Variants in SEZ6L observed in about 807,000 individuals in gnomAD.
The protein encoded by SEZ6L is seizure 6-like protein.
Under a neutral mutation model 106.2 loss-of-function variants are expected in SEZ6L, and 37 were observed. The observed-to-expected ratio is 0.35, with a 90% confidence interval of 0.27 to 0.46. The LOEUF (loss-of-function observed/expected upper bound fraction) is 0.46. Among genes scored for constraint, SEZ6L ranks in the 20% least tolerant of loss-of-function variants. SEZ6L has a pLI of 1.00. For synonymous variants in SEZ6L, 541 were observed against 570.4 expected, an observed-to-expected ratio of 0.95 and a Z score of 0.73; for missense variants, 1,172 against 1,332.8, an observed-to-expected ratio of 0.88 and a Z score of 1.88.
At position 26,271,215 on chromosome 22, in the gene SEZ6L, C is replaced by A. The variant is rs576696819; in HGVS notation, c.95-21191C>A. ...TAATTATTCGTAGTATGTATATAAA[C>A]AACATTAGGTTTCTGTTGCTCTGCT... is the stretch of plus-strand genomic sequence containing the variant. On this transcript the variant is annotated intron_variant, in intron 1 of 16. Transcript: ENST00000248933. Among the ~76,000 whole-genome samples the A allele has an allele frequency of 5.3e-5, 8 of 152,298 alleles. No homozygotes were observed. The East Asian group carries it at 1.5e-3, about 29-fold the overall frequency.
chr22:26,380,201 AT>A, intron 16 of SEZ6L, 64 bp from the exon 17 acceptor site: 1 of 1,497,472 alleles, frequency 6.7e-7, no homozygotes, highest in Non-Finnish European at 9.3e-7. Flanking sequence ...AAAGAACTGC[AT>A]CCCCCTATGT....
intron 1 of SEZ6L, among the ~76,000 whole-genome samples, chr22:26,220,024 G>A (rs572198574): frequency 4.6e-5 from 7 of 152,296 alleles, no homozygotes; most frequent in African/African-American, 1.4e-4. Flanking sequence ...GGCTTCTGGG[G>A]TGGGGATGCC....
chr22:26,351,370 T>C, intron 12 of SEZ6L, 127 bp downstream of exon 12: 1 of 748,948 alleles, frequency 1.3e-6, no homozygotes, highest in South Asian at 1.8e-5. Context: ...TTATCATTAC[T>C]ATGACAAAAC....
chr22:26,220,689 G>C (rs1350172214), intron 1 of SEZ6L, among the ~76,000 whole-genome samples: 1 of 152,166 alleles, frequency 6.6e-6, no homozygotes, highest in East Asian at 1.9e-4. Context: ...CTGTCATATG[G>C]TCCTGCAATC....
chr22:26,189,013 T>C (rs749101336), intron 1 of SEZ6L, among the ~76,000 whole-genome samples: 1 of 152,240 alleles, frequency 6.6e-6, no homozygotes, highest in African/African-American at 2.4e-5. Flanking sequence ...TTTTTTCCGT[T>C]ACCTTACTTT....
Position 26,169,712 on chromosome 22 carries a change from T to A in SEZ6L, c.43T>A (p.Ser15Thr). The change falls in exon 1 of 17, where the codon TCG becomes ACG. Residue 15 changes from serine to threonine, a missense_variant. Ser to Thr is a moderately conservative substitution (Grantham distance 58, BLOSUM62 1). Transcript: ENST00000248933. ...RPPAAGLRGI[S>T]LFLALLLGSP... is the part of the protein sequence containing the mutation. The stretch of plus-strand genomic sequence containing the variant: ...GCCCGCCGCGGGACTCCGCGGGATC[T>A]CGCTGTTCCTCGCTCTGCTCCTGGG... 1 of 1,301,588 alleles carries A rather than the reference T, an allele frequency of 7.7e-7. No individual in the cohort carries two copies. 80.6% of individuals were successfully genotyped at this position (1,301,588 alleles called of 1,614,324 possible). A position where few individuals can be genotyped will look rare whatever the true frequency, so the allele number is the denominator to read the frequency against.
chr22:26,308,624 G>A (rs919746688), intron 6 of SEZ6L, among the ~76,000 whole-genome samples: 3 of 152,036 alleles, frequency 2.0e-5, no homozygotes, highest in Non-Finnish European at 4.4e-5. Context: ...TTGAAAGGTC[G>A]TAATATGTAC....
chr22:26,190,290 G>T (rs1569364562), intron 1 of SEZ6L, among the ~76,000 whole-genome samples: 1 of 152,006 alleles, frequency 6.6e-6, no homozygotes, highest in Non-Finnish European at 1.5e-5. Context: ...GTTACATGAG[G>T]TTATTGAGTC....
chr22:26,340,524 G>A lies in SEZ6L; in HGVS notation c.2104G>A (p.Gly702Ser). Reference sequence around the variant, plus strand: ...CTTGGGGCAGTACCTTGGGAACAGTGGCCCCCAGAAACTGTACTCCTCCAC... The same window carrying A: ...CTTGGGGCAGTACCTTGGGAACAGTAGCCCCCAGAAACTGTACTCCTCCAC... ...HILGQYLGNS[G>S]PQKLYSSTPD... The change falls in exon 10 of 17, where the codon GGC becomes AGC. Residue 702 changes from glycine (G) to serine (S), a missense_variant. Physicochemically the swap from Gly to Ser is moderately conservative, Grantham distance 56. Transcript: ENST00000248933. The A allele has an allele frequency of 6.2e-7, 1 of 1,614,048 alleles. No individual in the cohort carries two copies. The highest frequency in any genetic ancestry group is 1.7e-5 in the Admixed American group (1 of 60,002).
chr22:26,284,604 C>CAAA (rs137198), intron 1 of SEZ6L, among the ~76,000 whole-genome samples: 675 of 63,972 alleles, frequency 0.011, 66 homozygotes, highest in Non-Finnish European at 0.017. Flanking sequence ...ATCAGGACTC[C>CAAA]AAAAAAAAAA....
chr22:26,231,055 T>G (rs1010476292), intron 1 of SEZ6L, among the ~76,000 whole-genome samples: 20 of 152,216 alleles, frequency 1.3e-4, no homozygotes, highest in Non-Finnish European at 2.9e-5. Context: ...GCCAGTGGTG[T>G]TAAGCAGCAA....
intron 1 of SEZ6L, among the ~76,000 whole-genome samples, chr22:26,190,326 T>C (rs1294654512): frequency 6.6e-6 from 1 of 152,112 alleles, no homozygotes; most frequent in Non-Finnish European, 1.5e-5. Flanking sequence ...TTAACTCACT[T>C]TGAAGTTATA....
At chr22:26,216,048 C>T (rs1037281851) in intron 1 of SEZ6L, among the ~76,000 whole-genome samples, 2 of 152,162 alleles carry the variant, frequency 1.3e-5, no homozygotes, top group Non-Finnish European at 2.9e-5. Flanking sequence ...TCCCATCTTC[C>T]TCTCTCCCTG....
intron 12 of SEZ6L, among the ~76,000 whole-genome samples, chr22:26,361,349 C>CAA (rs57714714): frequency 2.1e-5 from 3 of 140,334 alleles, no homozygotes; most frequent in African/African-American, 7.8e-5. Flanking sequence ...AATACAAAAA[C>CAA]AAAAAAAATC....
intron 1 of SEZ6L, among the ~76,000 whole-genome samples, chr22:26,290,487 G>A (rs1479330674): frequency 6.6e-6 from 1 of 152,146 alleles, no homozygotes; most frequent in Non-Finnish European, 1.5e-5. Flanking sequence ...AGCCGAGATC[G>A]CGCCACTGCA....
At chr22:26,371,202 T>C (rs1050866780) in intron 13 of SEZ6L, among the ~76,000 whole-genome samples, 1 of 152,140 alleles carries the variant, frequency 6.6e-6, no homozygotes, top group Non-Finnish European at 1.5e-5. Context: ...TGTTTTGTTT[T>C]GCCAAAAAAA....
intron 1 of SEZ6L, among the ~76,000 whole-genome samples, chr22:26,179,541 C>A (rs1939247657): frequency 1.3e-5 from 2 of 152,198 alleles, no homozygotes; most frequent in South Asian, 2.1e-4. Flanking sequence ...GTCTCCAGAA[C>A]TGTGAGGAAT....
At chr22:26,245,544 C>G (rs1283286886) in intron 1 of SEZ6L, among the ~76,000 whole-genome samples, 1 of 152,156 alleles carries the variant, frequency 6.6e-6, no homozygotes, top group African/African-American at 2.4e-5. Context: ...GGTGGTGCCT[C>G]CTTTAAGTTT....
chr22:26,175,549 A>G (rs1241334794), intron 1 of SEZ6L, among the ~76,000 whole-genome samples: 1 of 152,208 alleles, frequency 6.6e-6, no homozygotes, highest in Non-Finnish European at 1.5e-5. Flanking sequence ...AAACACTGAC[A>G]GGACAGAAAC....
Sources: allele counts gnomAD v4.1 joint callset (sites outside exome capture counted in the v4.1 genomes callset), GRCh38; gene constraint gnomAD v4.1.1; transcripts MANE v1.5; gene names NCBI Gene and HGNC (gene_info 2026-07-23, HGNC 2026-07-21).